Variants in GPHN observed in about 807,000 individuals in gnomAD.
The protein encoded by GPHN is gephyrin.
Under a neutral mutation model 95.5 loss-of-function variants are expected in GPHN, and 17 were observed. The observed-to-expected ratio is 0.18, with a 90% CI of 0.12 to 0.27. The LOEUF (loss-of-function observed/expected upper bound fraction) is 0.27, where lower values mean the gene tolerates loss of function less well. Ranked by LOEUF, GPHN falls within the 10% of genes least tolerant of loss-of-function variation. The pLI is 1.00. For synonymous variants in GPHN, 320 were observed against 322.5 expected (o/e 0.99, Z 0.08); for missense variants, 660 against 978.1 (o/e 0.67, Z 4.34).
At chr14:67,677,953 A>T in the GPHN span, 1 of 163,778 alleles carries the variant, frequency 6.1e-6, no homozygotes, top group Admixed American at 6.2e-5. Context: ...GTTGGGAGGA[A>T]CTGAATTGTG....
chr14:67,693,263 G>A, the GPHN span, among the ~76,000 whole-genome samples: 1 of 152,226 alleles, frequency 6.6e-6, no homozygotes, highest in African/African-American at 2.4e-5. Flanking sequence ...TCTATTACAA[G>A]GGCAAAGCTT....
At position 66,569,594 on chromosome 14, in the gene GPHN, C is replaced by T. The variant is rs185442398; in HGVS notation, c.64+61003C>T. 7.3e-5 allele frequency among the ~76,000 whole-genome samples: 11 copies of T among 151,516 alleles called. No homozygotes were observed. In the East Asian group the frequency reaches 1.7e-3, roughly 24 times the overall value. ...AAGAGAATCGCTTGAACCTGGGAGG[C>T]GGAGGTTGCAGTGAGCCAAGATCAT... On this transcript the variant is annotated intron_variant, in intron 1 of 22. Transcript: ENST00000478722.
At chr14:67,089,750 A>G (rs575839597) in intron 12 of GPHN, among the ~76,000 whole-genome samples, 35 of 152,182 alleles carry the variant, frequency 2.3e-4, no homozygotes, top group African/African-American at 8.2e-4. Context: ...CTAATTCTCT[A>G]GAAGACATCA....
intron 2 of GPHN, among the ~76,000 whole-genome samples, chr14:66,718,237 G>A (rs1363967604): frequency 1.3e-5 from 2 of 151,968 alleles, no homozygotes; most frequent in African/African-American, 4.8e-5. Context: ...TGTTCCTTCA[G>A]ATGTTCAGAT....
the GPHN span, among the ~76,000 whole-genome samples, chr14:67,551,530 C>G: frequency 0.16 from 24,548 of 152,064 alleles, 2,393 homozygotes; most frequent in East Asian, 0.34. Flanking sequence ...TAAAGCCACA[C>G]TGTGGTGGAG....
chr14:66,811,436 G>A (rs1374363869), intron 3 of GPHN, among the ~76,000 whole-genome samples: 1 of 151,462 alleles, frequency 6.6e-6, no homozygotes, highest in Non-Finnish European at 1.5e-5. Flanking sequence ...AAATGTTTGT[G>A]ATTTTTAAAT....
At chr14:66,999,631 G>GT (rs1473845155) in intron 9 of GPHN, among the ~76,000 whole-genome samples, 2 of 151,540 alleles carry the variant, frequency 1.3e-5, no homozygotes, top group Non-Finnish European at 3.0e-5. Context: ...GTCTCATACA[G>GT]TTTTTCATCC....
chr14:67,182,991 G>A (rs563249772), downstream of GPHN, among the ~76,000 whole-genome samples: 29 of 152,094 alleles, frequency 1.9e-4, no homozygotes, highest in African/African-American at 7.0e-4. Context: ...AATTACAGTT[G>A]TGAGACACCA....
At chr14:67,179,750 G>A in intron 22 of GPHN, 76 bp downstream of exon 22, 1 of 816,878 alleles carries the variant, frequency 1.2e-6, no homozygotes, top group South Asian at 1.4e-5. Context: ...ATCTTCCTTG[G>A]TTATGACTGA....
rs143197992 is a variant in GPHN, at chr14:66,799,402, A to C, written c.201+22881A>C. Among the ~76,000 whole-genome samples, 186 of 151,984 alleles carry C rather than the reference A, an allele frequency of 1.2e-3. 9 individuals carry two copies. In the East Asian group the frequency reaches 0.018, roughly 15 times the overall value. ...TCCTGGAAGATCTTTCCAATGCTTA[A>C]AGTAGGTGTTGAAGTCTCCAGCTAC... On this transcript the variant is annotated intron_variant, in intron 3 of 22. Transcript: ENST00000478722.
At chr14:67,651,474 T>C in the GPHN span, 16 of 1,613,604 alleles carry the variant, frequency 9.9e-6, 1 homozygote, top group South Asian at 5.5e-5. Flanking sequence ...AGCTTGTTGG[T>C]TGTCACTCTA....
the GPHN span, among the ~76,000 whole-genome samples, chr14:67,282,691 T>G: frequency 6.6e-6 from 1 of 151,364 alleles, no homozygotes; most frequent in South Asian, 2.1e-4. Flanking sequence ...TTATAAATGG[T>G]AAAAAATTTG....
chr14:66,859,208 GT>G (rs1470675308), intron 4 of GPHN, among the ~76,000 whole-genome samples: 2 of 152,204 alleles, frequency 1.3e-5, no homozygotes, highest in African/African-American at 4.8e-5. Flanking sequence ...GTAAGACCCA[GT>G]GCTGTGCTGG....
Position 67,180,833 on chromosome 14 carries a change from A to G in GPHN, c.2206A>G (p.Met736Val), listed in dbSNP as rs773187265. The change falls in exon 23 of 23, where the codon ATG becomes GTG. Residue 736 changes from methionine to valine, a missense_variant. Transcript: ENST00000478722. Reference protein sequence around the residue: ...GNQMSSRLMSMRSANGLLMLP... With the variant: ...GNQMSSRLMSVRSANGLLMLP... ...TCAAATGAGCAGCCGTCTGATGAGC[A>G]TGCGCAGTGCCAATGGATTGTTGAT... is the stretch of plus-strand genomic sequence containing the variant. 18 of 1,613,768 alleles carry G rather than the reference A, an allele frequency of 1.1e-5. No individual in the cohort carries two copies. The highest frequency in any genetic ancestry group is 3.3e-5 in the Admixed American group (2 of 59,958).
Position 66,924,293 on chromosome 14 carries a change from G to T in GPHN, c.828+1G>T, listed in dbSNP as rs533003321. The T allele has an allele frequency of 6.4e-7, 1 of 1,553,422 alleles. No individual in the cohort carries two copies. Among genetic ancestry groups the T allele is most frequent in the Non-Finnish European group, 8.9e-7 (1 of 1,124,770 alleles). ...TTCCCATCATTCAACAGATGAACGG[G>T]TAAGACAAGAGGCTTTTGCATTAAT... On this transcript the variant is annotated splice_donor_variant, in intron 8 of 22. Transcript: ENST00000478722. LOFTEE classifies it high-confidence loss of function.
chr14:67,003,462 C>G (rs187968376), intron 9 of GPHN, among the ~76,000 whole-genome samples: 1 of 151,754 alleles, frequency 6.6e-6, no homozygotes, highest in Admixed American at 6.6e-5. Context: ...CTAACAGAAT[C>G]CAGCCTACTT....
the GPHN span, among the ~76,000 whole-genome samples, chr14:67,491,551 A>T: frequency 2.0e-5 from 3 of 152,192 alleles, no homozygotes; most frequent in Non-Finnish European, 4.4e-5. Context: ...AGGAAATTTC[A>T]AGGGTTTTAG....
intron 1 of GPHN, among the ~76,000 whole-genome samples, chr14:66,569,730 C>CATATAT (rs148644278): frequency 6.6e-6 from 1 of 150,444 alleles, no homozygotes; most frequent in Non-Finnish European, 1.5e-5. Context: ...TGTTTTGTTA[C>CATATAT]ATATATATAT....
At chr14:66,737,693 C>T (rs1254226009) in intron 2 of GPHN, among the ~76,000 whole-genome samples, 11 of 152,104 alleles carry the variant, frequency 7.2e-5, no homozygotes. Flanking sequence ...AAATACTGGC[C>T]CCAGAACTCT....
Sources: gnomAD v4.1 joint callset for allele counts (sites outside exome capture counted in the v4.1 genomes callset) on GRCh38, gnomAD v4.1.1 for gene constraint, MANE v1.5 for transcripts, NCBI Gene and HGNC (gene_info 2026-07-23, HGNC 2026-07-21) for gene names.